HHATL: variants seen among roughly 807,000 people sequenced by gnomAD.
HHATL encodes the protein protein-cysteine N-palmitoyltransferase HHAT-like protein.
HHATL carries 49 observed loss-of-function variants against 59.7 expected under a neutral mutation model. The observed-to-expected ratio is 0.82, with a 90% confidence interval of 0.65 to 1.04. HHATL has a LOEUF of 1.04. Ranked by LOEUF, HHATL falls within the 50% of genes least tolerant of loss-of-function variation. The probability of loss-of-function intolerance (pLI) is 0.00; values close to 1 mark genes in which losing one functional copy is unlikely to be tolerated. For missense variants in HHATL, 605 were observed against 650.8 expected (o/e 0.93, Z 0.77); for synonymous variants, 238 against 257.3 (o/e 0.93, Z 0.72).
rs748049977 is a variant in HHATL, at chr3:42,698,676, C to A, written c.483+32G>T. On this transcript the variant is annotated intron_variant, in intron 5 of 11. Transcript: ENST00000441594. ...GAAGTGAGAGGTTTGGGATCTTATC[C>A]CTACACCCTCTACCCCTGCACCAGT... 3 of 1,524,344 alleles carry A rather than the reference C, an allele frequency of 2.0e-6. No homozygotes were observed. In the South Asian group the frequency reaches 4.0e-5, roughly 20 times the overall value. 94.4% of individuals were successfully genotyped at this position (1,524,344 alleles called of 1,614,324 possible).
intron 9 of HHATL, chr3:42,694,118 C>T (rs1309186354): frequency 4.7e-6 from 2 of 424,366 alleles, no homozygotes; most frequent in Non-Finnish European, 8.6e-6. Flanking sequence ...CCCAGTCTCT[C>T]CTGATTTGTA....
intron 10 of HHATL, 59 bp from the exon 11 acceptor site, chr3:42,693,277 G>C (rs1386162345): frequency 6.3e-7 from 1 of 1,596,432 alleles, no homozygotes; most frequent in Non-Finnish European, 8.5e-7. Flanking sequence ...AGAGGACATG[G>C]TGGGTCAGCA....
At chr3:42,695,132 C>T (rs543074163) in intron 9 of HHATL, among the ~76,000 whole-genome samples, 39 of 152,258 alleles carry the variant, frequency 2.6e-4, no homozygotes, top group African/African-American at 9.2e-4. Flanking sequence ...CTCCACTCCA[C>T]CTCAGCCACC....
intron 2 of HHATL, 137 bp downstream of exon 2, chr3:42,700,583 GA>G (rs1575248057): frequency 4.9e-6 from 3 of 612,388 alleles, no homozygotes; most frequent in Admixed American, 5.9e-5. Context: ...ACCCCGGGCT[GA>G]AAAGGGAGAT....
At chr3:42,699,886 C>G in intron 2 of HHATL, 61 bp from the exon 3 acceptor site, 1 of 1,427,502 alleles carries the variant, frequency 7.0e-7, no homozygotes, top group Non-Finnish European at 9.6e-7. Context: ...CACCTTCCCC[C>G]GTGGACAAGG....
At chr3:42,702,247 G>A (rs1435172652) in intron 1 of HHATL, among the ~76,000 whole-genome samples, 1 of 152,220 alleles carries the variant, frequency 6.6e-6, no homozygotes, top group Non-Finnish European at 1.5e-5. Flanking sequence ...GCAGGAGCTT[G>A]AAACCGGAGC....
At chr3:42,698,455 G>A (rs1697756280) in intron 5 of HHATL, 104 bp from the exon 6 acceptor site, 6 of 1,128,274 alleles carry the variant, frequency 5.3e-6, no homozygotes, top group South Asian at 1.5e-5. Context: ...GCCTGGTCCT[G>A]TCCCTTCCTC....
In HHATL at chr3:42,693,805, G is replaced by A. The variant is rs1169159633; in HGVS notation, c.1060C>T (p.His354Tyr). 1 of 1,613,722 alleles carries A rather than the reference G, an allele frequency of 6.2e-7. No individual in the cohort carries two copies. Among genetic ancestry groups the A allele is most frequent in the Admixed American group, 1.7e-5 (1 of 60,018 alleles). Residue 354 changes from histidine (H) to tyrosine (Y), a missense_variant, in exon 10 of 12, where the codon CAC becomes TAC. Physicochemically the swap from His to Tyr is moderately conservative, Grantham distance 83. Coordinates refer to ENST00000441594, the MANE Select transcript of HHATL (RefSeq NM_020707.4). ...ACAGCGGAATGCTCCCCACCAATGT[G>A]GTTATACACATATCTGCAGGAAAGA... ...NDWLCKYVYN[H>Y]IGGEHSAVIP...
At position 42,698,674 on chromosome 3, in the gene HHATL, TC is replaced by T. The variant is rs1389677304; in HGVS notation, c.483+33del. On this transcript the variant is annotated intron_variant, in intron 5 of 11. Coordinates refer to ENST00000441594, the MANE Select transcript of HHATL (RefSeq NM_020707.4). The stretch of plus-strand genomic sequence containing the variant: ...ATGAAGTGAGAGGTTTGGGATCTTA[TC>T]CCTACACCCTCTACCCCTGCACCAG... The T allele has an allele frequency of 2.0e-6, 3 of 1,521,714 alleles. No homozygotes were observed. In the African/African-American group the frequency reaches 4.2e-5, roughly 21 times the overall value. The allele number at this position is 1,521,714 out of a possible 1,614,324, so 94.3% of individuals were successfully genotyped here. A position where few individuals can be genotyped will look rare whatever the true frequency, so the allele number is the denominator to read the frequency against.
chr3:42,700,753 T>C lies in HHATL; in HGVS notation c.74A>G (p.Tyr25Cys), dbSNP rs769832444. Reference protein sequence around the residue: ...YSLVLSGALAYAGRGLLEASQ... With the variant: ...YSLVLSGALACAGRGLLEASQ... ...AGCCTCAAGGAGGCCCCGGCCAGCA[T>C]AGGCCAGGGCCCCACTCAGCACCAG... is the stretch of plus-strand genomic sequence containing the variant. The change falls in exon 2 of 12, where the codon TAT becomes TGT. Residue 25 changes from tyrosine (Y) to cysteine (C), a missense_variant. Coordinates refer to ENST00000441594, the MANE Select transcript of HHATL (RefSeq NM_020707.4). The C allele has an allele frequency of 1.9e-6, 3 of 1,613,560 alleles. No individual in the cohort carries two copies. The highest frequency in any genetic ancestry group is 2.2e-5 in the East Asian group (1 of 44,868).
chr3:42,696,835 T>G lies in HHATL; in HGVS notation c.1046+7A>C, dbSNP rs1559621101. 2 of 1,611,104 alleles carry G rather than the reference T, an allele frequency of 1.2e-6. No homozygotes were observed. Among genetic ancestry groups the G allele is most frequent in the Non-Finnish European group, 8.5e-7 (1 of 1,177,316 alleles). On this transcript the variant is annotated splice_region_variant and intron_variant, in intron 9 of 11. Transcript: ENST00000441594. ...GCTGTGACCACCCCCACCCCACTCC[T>G]ACTCACTTGCAAAGCCAGTCGTTGA...
rs1336154705 is a variant in HHATL at position 42,701,692 on chromosome 3, C to T, written c.-13-853G>A. On this transcript the variant is annotated intron_variant, in intron 1 of 11. Transcript: ENST00000441594. The surrounding 1 kb of genome is among the most constrained non-coding windows in gnomAD (Gnocchi z 5.1). ...CCCTCCAGCGGGGGCCTAGCTTGTC[C>T]CCTGGAGAACTGCTGGGCCGTACTA... Among the ~76,000 whole-genome samples, 1 of 152,226 alleles carries T rather than the reference C, an allele frequency of 6.6e-6. No individual in the cohort carries two copies. The highest frequency in any genetic ancestry group is 1.5e-5 in the Non-Finnish European group (1 of 68,032).
Position 42,693,311 on chromosome 3 carries a change from G to A in HHATL, c.1249-93C>T. 5 of 1,503,192 alleles carry A rather than the reference G, an allele frequency of 3.3e-6. No homozygotes were observed. The South Asian group carries it at 6.1e-5, about 18-fold the overall frequency. 93.1% of individuals were successfully genotyped at this position (1,503,192 alleles called of 1,614,324 possible). ...CAGCCTTACCCACCTGGCCAGTCAG[G>A]TCTTGGGGCTATGTCTGGGTCTCGG... On this transcript the variant is annotated intron_variant, in intron 10 of 11. Coordinates refer to ENST00000441594, the MANE Select transcript of HHATL (RefSeq NM_020707.4).
chr3:42,702,165 C>T (rs527451261), intron 1 of HHATL, among the ~76,000 whole-genome samples: 22 of 152,332 alleles, frequency 1.4e-4, no homozygotes, highest in Admixed American at 3.3e-4. Context: ...GCTGTGCTGT[C>T]GGCCTGAGGG....
At chr3:42,696,921 G>A (rs771800559) in intron 8 of HHATL, 44 bp from the exon 9 acceptor site, 21 of 1,614,038 alleles carry the variant, frequency 1.3e-5, no homozygotes, top group Non-Finnish European at 1.7e-5. Context: ...CAGGCGCAGA[G>A]CTCCCCAGGC....
intron 7 of HHATL, among the ~76,000 whole-genome samples, 175 bp from the exon 8 acceptor site, chr3:42,697,320 T>A (rs150162626): frequency 0.017 from 2,517 of 152,300 alleles, 84 homozygotes; most frequent in African/African-American, 0.056. Flanking sequence ...CGTGGGATGC[T>A]GCTCTGGCCC....
At position 42,701,575 on chromosome 3, in the gene HHATL, TGGGGCCAGGC is replaced by T. The variant is rs546274629; in HGVS notation, c.-13-746_-13-737del. On this transcript the variant is annotated intron_variant, in intron 1 of 11. Transcript: ENST00000441594. This position sits in a 1 kb window ranked among gnomAD's most constrained non-coding sequence, Gnocchi z 5.1. ...AGGAGGTGCCCAGGAGTAGCGGATG[TGGGGCCAGGC>T]GGGGCCAGGCGGGGCCAGGGAGGGC... 404 of 152,628 alleles carry T rather than the reference TGGGGCCAGGC, an allele frequency of 2.6e-3. 1 individual carries two copies. Among genetic ancestry groups the T allele is most frequent in the East Asian group, 0.016 (84 of 5,142 alleles). The allele number at this position is 152,628 out of a possible 1,614,324, so 9.5% of individuals were successfully genotyped here. A position where few individuals can be genotyped will look rare whatever the true frequency, so the allele number is the denominator to read the frequency against.
At chr3:42,700,878 G>T in intron 1 of HHATL, 39 bp from the exon 2 acceptor site, 1 of 1,388,042 alleles carries the variant, frequency 7.2e-7, no homozygotes, top group Non-Finnish European at 1.0e-6. Context: ...ACAGTCTCCA[G>T]CCAAGCCTAG....
rs772275958 is a variant in HHATL at position 42,698,689 on chromosome 3, C to T, written c.483+19G>A. 1.9e-6 allele frequency: 3 copies of T among 1,539,868 alleles called. No individual in the cohort carries two copies. The highest frequency in any genetic ancestry group is 4.3e-5 in the Admixed American group (2 of 46,354). On this transcript the variant is annotated intron_variant, in intron 5 of 11. Coordinates refer to ENST00000441594, the MANE Select transcript of HHATL (RefSeq NM_020707.4). ...TGGGATCTTATCCCTACACCCTCTA[C>T]CCCTGCACCAGTTCACACCTGCCAA...
Sources: allele counts gnomAD v4.1 joint callset (sites outside exome capture counted in the v4.1 genomes callset), GRCh38; gene constraint gnomAD v4.1.1; non-coding constraint Gnocchi (gnomAD v3.1); transcripts MANE v1.5; gene names NCBI Gene and HGNC (gene_info 2026-07-23, HGNC 2026-07-21).